CDH8: variants seen among roughly 807,000 people sequenced by gnomAD.
CDH8 encodes the protein cadherin 8.
A neutral mutation model predicts 68.1 loss-of-function variants in CDH8; 17 were observed. The ratio of observed to expected loss-of-function variants is 0.25; its 90% CI spans 0.17 to 0.37. CDH8 has a LOEUF of 0.37. Among genes scored for constraint, CDH8 ranks in the 10% least tolerant of loss-of-function variants. CDH8 has a pLI of 1.00. For missense variants in CDH8, 763 were observed against 999.3 expected, an observed-to-expected ratio of 0.76 and a Z score of 3.19; for synonymous variants, 372 against 365.1, an observed-to-expected ratio of 1.02 and a Z score of -0.21.
chr16:61,729,987 G>A (rs188289815), intron 8 of CDH8, among the ~76,000 whole-genome samples: 20 of 142,116 alleles, frequency 1.4e-4, no homozygotes, highest in Admixed American at 4.9e-4. Flanking sequence ...TTACATGCAC[G>A]TGTGCATGCA....
intron 4 of CDH8, among the ~76,000 whole-genome samples, chr16:61,829,949 C>T (rs1262221499): frequency 1.3e-5 from 2 of 151,480 alleles, no homozygotes; most frequent in Non-Finnish European, 3.0e-5. Flanking sequence ...TCTTATTTTT[C>T]TTTTTGTGTT....
intron 2 of CDH8, among the ~76,000 whole-genome samples, chr16:61,966,677 T>C (rs941728560): frequency 6.6e-6 from 1 of 152,222 alleles, no homozygotes; most frequent in Non-Finnish European, 1.5e-5. Flanking sequence ...TAAGAATACA[T>C]TGCTTCAAAT....
At chr16:62,009,658 G>C (rs1305013010) in intron 2 of CDH8, among the ~76,000 whole-genome samples, 1 of 152,122 alleles carries the variant, frequency 6.6e-6, no homozygotes, top group Non-Finnish European at 1.5e-5. Flanking sequence ...ATTCCAGTGA[G>C]CTCTCTAACT....
At chr16:61,728,976 C>G (rs1013748894) in intron 8 of CDH8, among the ~76,000 whole-genome samples, 3 of 151,100 alleles carry the variant, frequency 2.0e-5, no homozygotes, top group Non-Finnish European at 4.5e-5. Context: ...GACACACATT[C>G]AAAGGTATTA....
chr16:61,927,771 C>T (rs1306606630), intron 2 of CDH8, among the ~76,000 whole-genome samples: 10 of 152,168 alleles, frequency 6.6e-5, no homozygotes, highest in Admixed American at 6.5e-4. Context: ...GCATGAGGGG[C>T]CCAGTGGCCA....
rs1024964553 is a variant in CDH8 at position 61,647,809 on chromosome 16, C to G, written c.*5799G>C. The G allele has an allele frequency of 1.4e-6, 1 of 699,694 alleles. No homozygotes were observed. The highest frequency in any genetic ancestry group is 2.6e-6 in the Non-Finnish European group (1 of 382,876). 43.3% of individuals were successfully genotyped at this position (699,694 alleles called of 1,614,324 possible). ...CTTTTCTGGTCCTGACCTCTGAGTT[C>G]ATTGAAGCCATGGTTTTCCACAGTC... On this transcript the variant is annotated 3_prime_UTR_variant, in exon 12 of 12. Transcript: ENST00000577390.
At chr16:61,938,996 G>A (rs1358711754) in intron 2 of CDH8, among the ~76,000 whole-genome samples, 6 of 152,104 alleles carry the variant, frequency 3.9e-5, no homozygotes, top group South Asian at 4.1e-4. Context: ...AAACACGTCC[G>A]TCACTCAGAA....
chr16:61,879,151 T>C (rs1402729808), intron 3 of CDH8, among the ~76,000 whole-genome samples: 1 of 152,176 alleles, frequency 6.6e-6, no homozygotes, highest in Non-Finnish European at 1.5e-5. Context: ...ATTATTCTCA[T>C]GCTTTCCATT....
intron 8 of CDH8, among the ~76,000 whole-genome samples, chr16:61,755,601 T>C (rs1960291411): frequency 1.3e-5 from 2 of 152,274 alleles, no homozygotes; most frequent in South Asian, 4.1e-4. Flanking sequence ...ACAGTGGCTG[T>C]GTGCCAATTG....
At chr16:61,858,711 G>C (rs1327399923) in intron 3 of CDH8, among the ~76,000 whole-genome samples, 2 of 152,172 alleles carry the variant, frequency 1.3e-5, no homozygotes, top group African/African-American at 4.8e-5. Flanking sequence ...TCTGGGATGT[G>C]ATGCAGTCAC....
At chr16:61,816,216 T>C (rs1055004381) in intron 7 of CDH8, among the ~76,000 whole-genome samples, 1 of 152,124 alleles carries the variant, frequency 6.6e-6, no homozygotes, top group African/African-American at 2.4e-5. Context: ...TAGAAATGAT[T>C]TGTACTTAAA....
chr16:61,842,736 G>A (rs1395962706), intron 4 of CDH8, among the ~76,000 whole-genome samples: 1 of 152,134 alleles, frequency 6.6e-6, no homozygotes, highest in Non-Finnish European at 1.5e-5. Context: ...AGCCAGAGCA[G>A]TACTGCCCTA....
rs1389198340 is a variant in CDH8 at position 61,838,752 on chromosome 16, A to G, written c.668-13573T>C. On this transcript the variant is annotated intron_variant, in intron 4 of 11. Coordinates refer to ENST00000577390, the MANE Select transcript of CDH8 (RefSeq NM_001796.5). The stretch of plus-strand genomic sequence containing the variant: ...TATAAGTTCAACATACAAAAGAAAA[A>G]ATCATTTTATGCAGAGAAAACATTG... Among the ~76,000 whole-genome samples, 3 of 152,138 alleles carry G rather than the reference A, an allele frequency of 2.0e-5. No individual in the cohort carries two copies. The East Asian group carries it at 5.8e-4, about 29-fold the overall frequency.
At chr16:61,917,953 G>T (rs1382147233) in intron 2 of CDH8, among the ~76,000 whole-genome samples, 1 of 144,696 alleles carries the variant, frequency 6.9e-6, no homozygotes. Context: ...GCAACCAGGA[G>T]GTCAAAGTTA....
intron 2 of CDH8, among the ~76,000 whole-genome samples, chr16:61,991,085 C>T (rs968325491): frequency 6.6e-6 from 1 of 152,160 alleles, no homozygotes. Context: ...GAATTTGACT[C>T]TCACCTCTGT....
chr16:61,869,823 C>G (rs1313740291), intron 3 of CDH8, among the ~76,000 whole-genome samples: 1 of 152,142 alleles, frequency 6.6e-6, no homozygotes, highest in Non-Finnish European at 1.5e-5. Context: ...TAAAAAATAA[C>G]TCAAGTAATG....
At chr16:61,801,550 G>A (rs957594184) in intron 7 of CDH8, among the ~76,000 whole-genome samples, 3 of 152,202 alleles carry the variant, frequency 2.0e-5, no homozygotes, top group Admixed American at 6.5e-5. Context: ...TTCCATCTGA[G>A]GTACCGGGTT....
At chr16:61,841,792 C>T (rs1444492110) in intron 4 of CDH8, among the ~76,000 whole-genome samples, 1 of 151,986 alleles carries the variant, frequency 6.6e-6, no homozygotes, top group Non-Finnish European at 1.5e-5. Context: ...AATATACACA[C>T]CTACTATGTA....
intron 2 of CDH8, among the ~76,000 whole-genome samples, chr16:61,971,340 G>A (rs980148027): frequency 5.9e-5 from 9 of 152,168 alleles, no homozygotes; most frequent in Non-Finnish European, 1.2e-4. Flanking sequence ...TGATTGACAG[G>A]CTGTATATAA....
Sources: allele counts gnomAD v4.1 joint callset (sites outside exome capture counted in the v4.1 genomes callset), GRCh38; gene constraint gnomAD v4.1.1; transcripts MANE v1.5; gene names NCBI Gene and HGNC (gene_info 2026-07-23, HGNC 2026-07-21).